CNTN3: variants seen among roughly 807,000 people sequenced by gnomAD.
CNTN3 encodes the protein contactin 3, also known as contactin-3.
A neutral mutation model predicts 119.1 loss-of-function variants in CNTN3; 60 were observed. That is an observed-to-expected ratio of 0.50 (90% CI 0.41 to 0.62). The LOEUF (loss-of-function observed/expected upper bound fraction) is 0.62, where lower values mean the gene tolerates loss of function less well. Ranked by LOEUF, CNTN3 falls within the 20% of genes least tolerant of loss-of-function variation. The pLI is 0.00. For missense variants in CNTN3, 1,101 were observed against 1,242.4 expected (o/e 0.89, Z 1.71); for synonymous variants, 450 against 438.7 (o/e 1.03, Z -0.32).
chr3:74,396,879 G>A (rs1320314596), intron 5 of CNTN3, among the ~76,000 whole-genome samples: 5 of 152,170 alleles, frequency 3.3e-5, no homozygotes, highest in Admixed American at 2.6e-4. Context: ...GAAACAGCAA[G>A]TGCTGATGTA....
chr3:74,275,687 G>T (rs1452142970), intron 20 of CNTN3, among the ~76,000 whole-genome samples: 2 of 151,404 alleles, frequency 1.3e-5, no homozygotes, highest in African/African-American at 4.9e-5. Context: ...AATCTCAAAG[G>T]ACCTATAAAA....
Position 74,264,601 on chromosome 3 carries a change from T to C in CNTN3, c.2987-100A>G, listed in dbSNP as rs1027366581. 6.5e-5 allele frequency: 43 copies of C among 663,760 alleles called. 1 individual carries two copies. In the Admixed American group the frequency reaches 1.2e-3, roughly 19 times the overall value. 41.1% of individuals were successfully genotyped at this position (663,760 alleles called of 1,614,324 possible). On this transcript the variant is annotated intron_variant, in intron 22 of 22. Coordinates refer to ENST00000263665, the MANE Select transcript of CNTN3 (RefSeq NM_020872.3). ...TGTGGTGTTCCCCCCAAATTCTTTG[T>C]TGAAATCCTAACCCTCAATGTCAGA...
chr3:74,360,483 T>C (rs1158790858), intron 11 of CNTN3, among the ~76,000 whole-genome samples: 1 of 152,188 alleles, frequency 6.6e-6, no homozygotes, highest in Non-Finnish European at 1.5e-5. Flanking sequence ...CAGAAATATT[T>C]AAAAGTGATA....
intron 3 of CNTN3, among the ~76,000 whole-genome samples, chr3:74,489,912 G>C (rs1406374619): frequency 6.6e-6 from 1 of 152,076 alleles, no homozygotes; most frequent in African/African-American, 2.4e-5. Context: ...TCAACAAACG[G>C]GCAAATATCA....
intron 1 of CNTN3, among the ~76,000 whole-genome samples, chr3:74,600,349 A>T (rs1704889701): frequency 6.6e-6 from 1 of 152,096 alleles, no homozygotes; most frequent in Non-Finnish European, 1.5e-5. Context: ...ATCACTACGG[A>T]GGAAAAAGCA....
rs370368643 is a variant in CNTN3, at chr3:74,486,573, C to T, written c.241G>A (p.Gly81Arg). 4.3e-6 allele frequency: 7 copies of T among 1,609,284 alleles called. No individual in the cohort carries two copies. The African/African-American group carries it at 9.4e-5, about 22-fold the overall frequency. Residue 81 changes from glycine (G) to arginine (R), a missense_variant, in exon 4 of 23, where the codon GGA becomes AGA. Physicochemically the swap from Gly to Arg is moderately radical, Grantham distance 125. Coordinates refer to ENST00000263665, the MANE Select transcript of CNTN3 (RefSeq NM_020872.3). ...GGATTAATAACCACAAGATTTCCTC[C>T]ATTCAACTTATAACGATGTTCCATA... ...MSMEHRYKLN[G>R]GNLVVINPNR...
At chr3:74,371,421 G>A (rs201021388) in intron 5 of CNTN3, 22 bp from the exon 6 acceptor site, 147 of 1,566,396 alleles carry the variant, frequency 9.4e-5, no homozygotes, top group Middle Eastern at 5.1e-4. Context: ...GTTGAAGAGA[G>A]AAAGAAATTC....
intron 4 of CNTN3, among the ~76,000 whole-genome samples, chr3:74,478,109 A>C (rs1419253267): frequency 6.6e-6 from 1 of 152,160 alleles, no homozygotes; most frequent in Non-Finnish European, 1.5e-5. Context: ...ACAAAGTACA[A>C]ATGTAAATGT....
At chr3:74,344,633 G>C (rs1205119272) in intron 11 of CNTN3, among the ~76,000 whole-genome samples, 1 of 151,638 alleles carries the variant, frequency 6.6e-6, no homozygotes, top group Non-Finnish European at 1.5e-5. Flanking sequence ...AATTTCTTTT[G>C]TATTTTTAGT....
At chr3:74,391,958 T>C (rs1301553060) in intron 5 of CNTN3, among the ~76,000 whole-genome samples, 1 of 152,104 alleles carries the variant, frequency 6.6e-6, no homozygotes, top group African/African-American at 2.4e-5. Flanking sequence ...GCACCCAGAC[T>C]CCCACACTTA....
intron 5 of CNTN3, among the ~76,000 whole-genome samples, chr3:74,383,638 T>C (rs1704677258): frequency 6.6e-6 from 1 of 152,100 alleles, no homozygotes; most frequent in Admixed American, 6.6e-5. Context: ...GTGCATGCCA[T>C]GACGCCTGGC....
chr3:74,398,408 T>C (rs1427313141), intron 5 of CNTN3, among the ~76,000 whole-genome samples: 1 of 152,254 alleles, frequency 6.6e-6, no homozygotes, highest in African/African-American at 2.4e-5. Context: ...TTGGCATTTT[T>C]CAGCAATGAA....
At position 74,565,674 on chromosome 3, in the gene CNTN3, G is replaced by A. The variant is rs142679831; in HGVS notation, c.-80-44482C>T. ...TGACATTAGACACATCCAACTGCAAGGGGGCTTGGAAATTTCAGTCAACCT... is the reference window on the plus strand; with the variant it reads ...TGACATTAGACACATCCAACTGCAAAGGGGCTTGGAAATTTCAGTCAACCT... On this transcript the variant is annotated intron_variant, in intron 1 of 22. Coordinates refer to ENST00000263665, the MANE Select transcript of CNTN3 (RefSeq NM_020872.3). Among the ~76,000 whole-genome samples, 876 of 152,250 alleles carry A rather than the reference G, an allele frequency of 5.8e-3. 12 individuals are homozygous for A. The highest frequency in any genetic ancestry group is 0.02 in the African/African-American group (828 of 41,544).
chr3:74,444,710 C>T (rs1166033075), intron 4 of CNTN3, among the ~76,000 whole-genome samples: 1 of 152,030 alleles, frequency 6.6e-6, no homozygotes, highest in Non-Finnish European at 1.5e-5. Flanking sequence ...TTGGTCTACT[C>T]CTACGAAAAT....
At chr3:74,330,725 G>GA (rs1404177407) in intron 13 of CNTN3, among the ~76,000 whole-genome samples, 1 of 152,108 alleles carries the variant, frequency 6.6e-6, no homozygotes, top group Non-Finnish European at 1.5e-5. Context: ...TGCCCCTGCA[G>GA]ACCTCCCAGT....
chr3:74,388,764 G>T (rs969789134), intron 5 of CNTN3, among the ~76,000 whole-genome samples: 1 of 152,082 alleles, frequency 6.6e-6, no homozygotes, highest in Non-Finnish European at 1.5e-5. Flanking sequence ...AACAAAGAAA[G>T]CCCTTGTATT....
intron 20 of CNTN3, among the ~76,000 whole-genome samples, chr3:74,276,135 A>G (rs1332703969): frequency 1.3e-5 from 2 of 152,142 alleles, no homozygotes; most frequent in African/African-American, 4.8e-5. Context: ...GGAGCTCCCA[A>G]ATTTATAAAA....
At chr3:74,397,509 TC>T (rs1705086155) in intron 5 of CNTN3, among the ~76,000 whole-genome samples, 1 of 76 alleles carries the variant, frequency 0.013, no homozygotes, top group Admixed American at 0.1. Context: ...CAACTGGTGT[TC>T]TCTCTCTCTC....
intron 19 of CNTN3, among the ~76,000 whole-genome samples, chr3:74,288,230 C>A (rs1256637260): frequency 7.0e-6 from 1 of 142,150 alleles, no homozygotes; most frequent in African/African-American, 2.7e-5. Flanking sequence ...ACGATCTTGG[C>A]TCACTGCAAT....
Sources: gnomAD v4.1 joint callset for allele counts (sites outside exome capture counted in the v4.1 genomes callset) on GRCh38, gnomAD v4.1.1 for gene constraint, MANE v1.5 for transcripts, NCBI Gene and HGNC (gene_info 2026-07-23, HGNC 2026-07-21) for gene names.